SEMA4D: variants seen among roughly 807,000 people sequenced by gnomAD.
The protein encoded by SEMA4D is semaphorin-4D.
In SEMA4D, 22 loss-of-function variants were observed where a neutral mutation model predicts 74.8. The observed-to-expected ratio is 0.29, with a 90% CI of 0.21 to 0.42. The LOEUF is 0.42. SEMA4D is among the 10% of genes least tolerant of loss of function. The pLI, the probability that SEMA4D is intolerant of heterozygous loss-of-function variation, is 1.00. For missense variants in SEMA4D, 937 were observed against 1,118.4 expected, an observed-to-expected ratio of 0.84 and a Z score of 2.31; for synonymous variants, 445 against 463.7, an observed-to-expected ratio of 0.96 and a Z score of 0.52.
At chr9:89,449,544 G>A in intron 2 of SEMA4D, 1 of 774,494 alleles carries the variant, frequency 1.3e-6, no homozygotes, top group East Asian at 2.4e-5. Context: ...GGCTGCAGTG[G>A]TGGTGGCAGG....
intron 2 of SEMA4D, among the ~76,000 whole-genome samples, chr9:89,423,049 A>G (rs944188731): frequency 1.3e-5 from 2 of 152,142 alleles, no homozygotes; most frequent in Non-Finnish European, 2.9e-5. Context: ...GCTTCCTTTA[A>G]CTGGGAAATA....
intron 9 of SEMA4D, among the ~76,000 whole-genome samples, chr9:89,390,160 C>G (rs968662064): frequency 6.6e-6 from 1 of 152,184 alleles, no homozygotes; most frequent in Non-Finnish European, 1.5e-5. Flanking sequence ...CAAGTCTGAT[C>G]CTTGGCTTCC....
intron 2 of SEMA4D, among the ~76,000 whole-genome samples, chr9:89,448,872 A>C (rs576641753): frequency 6.6e-6 from 1 of 152,348 alleles, no homozygotes; most frequent in South Asian, 2.1e-4. Context: ...GTGGGACCCC[A>C]GGGGTGGCCA....
chr9:89,491,725 T>C (rs1004237678), intron 1 of SEMA4D, among the ~76,000 whole-genome samples: 1 of 152,064 alleles, frequency 6.6e-6, no homozygotes, highest in Non-Finnish European at 1.5e-5. Context: ...CAGCGTTCAG[T>C]CCATGTGGAA....
intron 1 of SEMA4D, among the ~76,000 whole-genome samples, chr9:89,468,376 C>T (rs564073379): frequency 1.3e-5 from 2 of 152,222 alleles, no homozygotes; most frequent in Admixed American, 1.3e-4. Context: ...AACCAAATTC[C>T]CCAAAGTCCA....
intron 1 of SEMA4D, among the ~76,000 whole-genome samples, chr9:89,496,410 G>T (rs35721473): frequency 6.6e-5 from 10 of 152,026 alleles, no homozygotes; most frequent in Non-Finnish European, 1.5e-5. Context: ...CCACCCTCCT[G>T]GGACCCCAGG....
intron 1 of SEMA4D, among the ~76,000 whole-genome samples, chr9:89,488,518 G>A (rs1226127628): frequency 1.3e-5 from 2 of 151,788 alleles, no homozygotes; most frequent in African/African-American, 2.4e-5. Context: ...GATTACATAC[G>A]TGCACCATCA....
intron 2 of SEMA4D, among the ~76,000 whole-genome samples, chr9:89,444,452 C>CA (rs1852358752): frequency 6.6e-6 from 1 of 152,202 alleles, no homozygotes. Context: ...GGGATGTGGG[C>CA]ACGTGAAGAG....
At chr9:89,367,850 C>T (rs558438861) in intron 16 of SEMA4D, 1 of 152,412 alleles carries the variant, frequency 6.6e-6, no homozygotes, top group Admixed American at 6.5e-5. Context: ...GCAGCCTGGG[C>T]TCCAGCACTC....
intron 13 of SEMA4D, among the ~76,000 whole-genome samples, chr9:89,383,743 T>C (rs1207501175): frequency 1.3e-5 from 2 of 152,100 alleles, no homozygotes; most frequent in African/African-American, 2.4e-5. Flanking sequence ...AAAACTCTTC[T>C]GTAAATTTAA....
intron 3 of SEMA4D, among the ~76,000 whole-genome samples, chr9:89,405,123 C>T (rs1469780747): frequency 6.6e-6 from 1 of 150,964 alleles, no homozygotes; most frequent in Non-Finnish European, 1.5e-5. Flanking sequence ...GTCCCCATCC[C>T]ATCCCCAGCC....
chr9:89,416,845 T>C (rs959860100), intron 2 of SEMA4D, among the ~76,000 whole-genome samples: 5 of 152,250 alleles, frequency 3.3e-5, no homozygotes, highest in African/African-American at 9.6e-5. Flanking sequence ...ACCACATTAG[T>C]GTATGGAGCT....
At chr9:89,388,566 T>G (rs529331835) in intron 11 of SEMA4D, 70 bp downstream of exon 11, 1 of 1,534,024 alleles carries the variant, frequency 6.5e-7, no homozygotes, top group East Asian at 2.3e-5. Context: ...CAGGCCCCAG[T>G]GCCTGTACTG....
intron 13 of SEMA4D, chr9:89,386,063 G>A (rs1313136205): frequency 4.1e-6 from 4 of 985,330 alleles, no homozygotes; most frequent in South Asian, 9.4e-5. Flanking sequence ...GCATAAAAAG[G>A]TGTCTTCATG....
Position 89,385,424 on chromosome 9 carries a change from G to A in SEMA4D, c.1446+943C>T, listed in dbSNP as rs1838225809. 1.9e-5 allele frequency: 19 copies of A among 985,442 alleles called. No homozygotes were observed. The South Asian group carries it at 8.5e-4, about 44-fold the overall frequency. 61.0% of individuals were successfully genotyped at this position (985,442 alleles called of 1,614,324 possible). A position where few individuals can be genotyped will look rare whatever the true frequency, so the allele number is the denominator to read the frequency against. ...GTCCCCTTCTTTCAACAACGAGGCT[G>A]GGGTGAGGCCCCACAGTGGCTAAAG... On this transcript the variant is annotated intron_variant, in intron 13 of 15. Transcript: ENST00000422704.
chr9:89,430,094 G>T (rs1300965843), intron 2 of SEMA4D, among the ~76,000 whole-genome samples: 4 of 151,864 alleles, frequency 2.6e-5, no homozygotes, highest in African/African-American at 9.7e-5. Context: ...AGGCTGGGAT[G>T]GCAAGTCATG....
At chr9:89,443,979 A>G (rs1467365129) in intron 2 of SEMA4D, among the ~76,000 whole-genome samples, 1 of 152,176 alleles carries the variant, frequency 6.6e-6, no homozygotes, top group African/African-American at 2.4e-5. Context: ...ACCCCACTGC[A>G]TGCCCATGCA....
exon 19 of SEMA4D, chr9:89,361,026 A>G (rs1362436004): frequency 1.3e-5 from 2 of 152,192 alleles, no homozygotes; most frequent in African/African-American, 2.4e-5. Context: ...GTAGTGGTTG[A>G]AGCCACACCC....
At chr9:89,493,257 A>G (rs1175663552) in intron 1 of SEMA4D, among the ~76,000 whole-genome samples, 1 of 152,200 alleles carries the variant, frequency 6.6e-6, no homozygotes, top group African/African-American at 2.4e-5. Context: ...GCTATACAGG[A>G]TAAGTGTGAT....
Sources: gnomAD v4.1 joint callset for allele counts (sites outside exome capture counted in the v4.1 genomes callset) on GRCh38, gnomAD v4.1.1 for gene constraint, MANE v1.5 for transcripts, NCBI Gene and HGNC (gene_info 2026-07-23, HGNC 2026-07-21) for gene names.